Variants in ITGA4 observed in about 807,000 individuals in gnomAD.
ITGA4 encodes integrin subunit alpha 4, also known as integrin alpha-4.
Under a neutral mutation model 133.6 loss-of-function variants are expected in ITGA4, and 63 were observed. That is an observed-to-expected ratio of 0.47 (90% CI 0.38 to 0.58). The LOEUF is 0.58. ITGA4 is among the 20% of genes least tolerant of loss of function. ITGA4 has a pLI of 0.00. For missense variants in ITGA4, 1,076 were observed against 1,252.7 expected (o/e 0.86, Z 2.13); for synonymous variants, 483 against 438.0 (o/e 1.10, Z -1.28).
At chr2:181,493,724 G>T (rs1358263712) in intron 11 of ITGA4, among the ~76,000 whole-genome samples, 1 of 152,102 alleles carries the variant, frequency 6.6e-6, no homozygotes, top group Non-Finnish European at 1.5e-5. Flanking sequence ...TCTAAAATAT[G>T]CCCATTTGGA....
chr2:181,497,538 A>T (rs562940295), intron 14 of ITGA4, among the ~76,000 whole-genome samples: 1 of 152,174 alleles, frequency 6.6e-6, no homozygotes, highest in African/African-American at 2.4e-5. Context: ...TTGAAATCCA[A>T]TTGGCTTGGA....
intron 17 of ITGA4, among the ~76,000 whole-genome samples, chr2:181,517,684 G>A (rs748095488): frequency 6.6e-6 from 1 of 152,082 alleles, no homozygotes; most frequent in African/African-American, 2.4e-5. Context: ...TCAATTTACA[G>A]TAAGATGTAT....
At chr2:181,481,096 T>G (rs1192464054) in intron 6 of ITGA4, among the ~76,000 whole-genome samples, 1 of 152,204 alleles carries the variant, frequency 6.6e-6, no homozygotes, top group East Asian at 1.9e-4. Flanking sequence ...ATTCAATGTT[T>G]TCTTGTTTAT....
intron 17 of ITGA4, among the ~76,000 whole-genome samples, chr2:181,520,668 T>C (rs552099046): frequency 1.3e-5 from 2 of 152,278 alleles, no homozygotes; most frequent in South Asian, 4.1e-4. Flanking sequence ...ACAAGTATCA[T>C]GTCTTTACTA....
At chr2:181,531,908 TA>T (rs1327844240) in intron 25 of ITGA4, 132 bp downstream of exon 25, 1 of 552,946 alleles carries the variant, frequency 1.8e-6, no homozygotes, top group African/African-American at 2.0e-5. Flanking sequence ...AGTAAAACTC[TA>T]AAACTGTATT....
chr2:181,460,040 T>G (rs1413923418), intron 2 of ITGA4, among the ~76,000 whole-genome samples: 1 of 152,230 alleles, frequency 6.6e-6, no homozygotes, highest in Non-Finnish European at 1.5e-5. Context: ...ATAGTAGATA[T>G]GTCATAGATA....
chr2:181,518,062 G>T (rs1465887947), intron 17 of ITGA4, among the ~76,000 whole-genome samples: 1 of 151,646 alleles, frequency 6.6e-6, no homozygotes, highest in South Asian at 2.1e-4. Flanking sequence ...GGGTGGGGGG[G>T]CAGGATGTGG....
Position 181,458,868 on chromosome 2 carries a change from C to T in ITGA4, c.319+551C>T, listed in dbSNP as rs1574370574. 3 of 152,670 alleles carry T rather than the reference C, an allele frequency of 2.0e-5. No homozygotes were observed. The South Asian group carries it at 6.2e-4, about 31-fold the overall frequency. 9.5% of individuals were successfully genotyped at this position (152,670 alleles called of 1,614,324 possible). A position where few individuals can be genotyped will look rare whatever the true frequency, so the allele number is the denominator to read the frequency against. On this transcript the variant is annotated intron_variant, in intron 2 of 27. Coordinates refer to ENST00000397033, the MANE Select transcript of ITGA4 (RefSeq NM_000885.6). The stretch of plus-strand genomic sequence containing the variant: ...TCATCGTTAATGTAGTATAATTTTC[C>T]ATTCCCAAAACCGTCATCCAAAACT...
intron 26 of ITGA4, 31 bp from the exon 27 acceptor site, chr2:181,534,785 T>C: frequency 6.6e-7 from 1 of 1,515,284 alleles, no homozygotes; most frequent in South Asian, 1.2e-5. Flanking sequence ...TTTTTTTGGT[T>C]TTTGAGTTTT....
In ITGA4 at chr2:181,536,727, T is replaced by C. The variant is rs201624823; in HGVS notation, c.*1200T>C. The C allele has an allele frequency of 2.8e-5, 7 of 247,262 alleles. No homozygotes were observed. Among genetic ancestry groups the C allele is most frequent in the Non-Finnish European group, 4.1e-5 (5 of 123,426 alleles). The allele number at this position is 247,262 out of a possible 1,614,324, so 15.3% of individuals were successfully genotyped here. ...TTGTTCATACTATATGAGGTTCTATTTTAAATGACTTTCTGGATTTTAAAA... is the reference window on the plus strand; with the variant it reads ...TTGTTCATACTATATGAGGTTCTATCTTAAATGACTTTCTGGATTTTAAAA... On this transcript the variant is annotated 3_prime_UTR_variant, in exon 28 of 28. Coordinates refer to ENST00000397033, the MANE Select transcript of ITGA4 (RefSeq NM_000885.6).
chr2:181,500,925 TAAAGGA>T (rs892888506), intron 15 of ITGA4, among the ~76,000 whole-genome samples: 1 of 151,952 alleles, frequency 6.6e-6, no homozygotes, highest in Non-Finnish European at 1.5e-5. Flanking sequence ...ATACAGGTGA[TAAAGGA>T]AAAAGGAGGG....
chr2:181,523,649 G>A lies in ITGA4; in HGVS notation c.2169+117G>A. On this transcript the variant is annotated intron_variant, in intron 19 of 27. Coordinates refer to ENST00000397033, the MANE Select transcript of ITGA4 (RefSeq NM_000885.6). The surrounding 1 kb of genome is among the most constrained non-coding windows in gnomAD (Gnocchi z 4.2). ...ATATTTTAGCTTGGGGTAGGTAGCT[G>A]AGTGATGAAATAAAACTGGTTCTTG... The A allele has an allele frequency of 1.7e-6, 1 of 589,276 alleles. No individual in the cohort carries two copies. The highest frequency in any genetic ancestry group is 3.0e-6 in the Non-Finnish European group (1 of 331,346). The allele number at this position is 589,276 out of a possible 1,614,324, so 36.5% of individuals were successfully genotyped here.
chr2:181,501,908 T>C (rs755573731), intron 15 of ITGA4, among the ~76,000 whole-genome samples: 4 of 152,106 alleles, frequency 2.6e-5, no homozygotes, highest in Non-Finnish European at 5.9e-5. Flanking sequence ...GGTAACTTAA[T>C]ATATCTTTGG....
intron 4 of ITGA4, among the ~76,000 whole-genome samples, chr2:181,476,761 TAC>T (rs1360935370): frequency 6.6e-6 from 1 of 152,150 alleles, no homozygotes; most frequent in Non-Finnish European, 1.5e-5. Context: ...CTGTGATACA[TAC>T]ACACTGTAGA....
chr2:181,511,680 G>T lies in ITGA4; in HGVS notation c.1846-19G>T, dbSNP rs201618159. The T allele has an allele frequency of 5.8e-6, 8 of 1,383,182 alleles. No individual in the cohort carries two copies. The East Asian group carries it at 1.1e-4, about 20-fold the overall frequency. The allele number at this position is 1,383,182 out of a possible 1,614,324, so 85.7% of individuals were successfully genotyped here. On this transcript the variant is annotated intron_variant, in intron 16 of 27. Coordinates refer to ENST00000397033, the MANE Select transcript of ITGA4 (RefSeq NM_000885.6). ...TGCTGATTAAATCAAAATAAAAAAC[G>T]TTGTCTTTTTATTTCCAGATAAACT...
chr2:181,504,791 A>G (rs898562546), intron 15 of ITGA4, among the ~76,000 whole-genome samples: 11 of 152,200 alleles, frequency 7.2e-5, no homozygotes, highest in South Asian at 4.1e-4. Context: ...AAAAAATTCT[A>G]TAAGAAAAAT....
In ITGA4 at chr2:181,536,768, A is replaced by T. The variant is rs1460545579; in HGVS notation, c.*1241A>T. On this transcript the variant is annotated 3_prime_UTR_variant, in exon 28 of 28. Coordinates refer to ENST00000397033, the MANE Select transcript of ITGA4 (RefSeq NM_000885.6). ...GATTTTAAAAAATTTCTTTAAATAC[A>T]ATCATTTTTGTAATATTTATTTTAT... The T allele has an allele frequency of 4.0e-6, 1 of 248,390 alleles. No homozygotes were observed. Among genetic ancestry groups the T allele is most frequent in the Non-Finnish European group, 8.1e-6 (1 of 123,618 alleles). The allele number at this position is 248,390 out of a possible 1,614,324, so 15.4% of individuals were successfully genotyped here.
In ITGA4 at chr2:181,495,509, C is replaced by G. The variant is rs1372919372; in HGVS notation, c.1385+93C>G. On this transcript the variant is annotated intron_variant, in intron 13 of 27. Coordinates refer to ENST00000397033, the MANE Select transcript of ITGA4 (RefSeq NM_000885.6). The surrounding 1 kb of genome is among the most constrained non-coding windows in gnomAD (Gnocchi z 4.3). ...TTAAAATCAGCAGTGGTAGTGACCT[C>G]ATGATGCTCTTTTGGTATTCTGAAG... 1 of 919,086 alleles carries G rather than the reference C, an allele frequency of 1.1e-6. No individual in the cohort carries two copies. Among genetic ancestry groups the G allele is most frequent in the East Asian group, 2.4e-5 (1 of 41,274 alleles). 56.9% of individuals were successfully genotyped at this position (919,086 alleles called of 1,614,324 possible).
chr2:181,524,648 A>G (rs541373304), intron 20 of ITGA4, among the ~76,000 whole-genome samples: 1 of 152,286 alleles, frequency 6.6e-6, no homozygotes, highest in South Asian at 2.1e-4. Context: ...TATATTTTTT[A>G]AAATTCAGAA....
Sources: allele counts gnomAD v4.1 joint callset (sites outside exome capture counted in the v4.1 genomes callset), GRCh38; gene constraint gnomAD v4.1.1; non-coding constraint Gnocchi (gnomAD v3.1); transcripts MANE v1.5; gene names NCBI Gene and HGNC (gene_info 2026-07-23, HGNC 2026-07-21).